Variants in MEGF9 observed in about 807,000 individuals in gnomAD.
MEGF9 encodes the protein multiple epidermal growth factor-like domains protein 9.
A neutral mutation model predicts 46.8 loss-of-function variants in MEGF9; 6 were observed. That is an observed-to-expected ratio of 0.13 (90% CI 0.07 to 0.25). The LOEUF is 0.25. Among genes scored for constraint, MEGF9 ranks in the 10% least tolerant of loss-of-function variants. The probability of loss-of-function intolerance (pLI) is 1.00; values close to 1 mark genes in which losing one functional copy is unlikely to be tolerated. For synonymous variants in MEGF9, 302 were observed against 330.7 expected (o/e 0.91, Z 0.94); for missense variants, 683 against 792.4 (o/e 0.86, Z 1.66).
intron 1 of MEGF9, among the ~76,000 whole-genome samples, chr9:120,686,434 T>G (rs1417526250): frequency 6.6e-6 from 1 of 152,232 alleles, no homozygotes; most frequent in East Asian, 1.9e-4. Flanking sequence ...GAAAAAGTTC[T>G]GGAAATCTGT....
chr9:120,616,072 A>C (rs1392645600), intron 3 of MEGF9, among the ~76,000 whole-genome samples: 1 of 152,136 alleles, frequency 6.6e-6, no homozygotes, highest in Non-Finnish European at 1.5e-5. Context: ...CGTGAGAGGC[A>C]ATAGCCCTTT....
At chr9:120,628,566 T>C (rs1330248677) in intron 2 of MEGF9, among the ~76,000 whole-genome samples, 1 of 135,142 alleles carries the variant, frequency 7.4e-6, no homozygotes, top group Non-Finnish European at 1.6e-5. Flanking sequence ...ATTTACACCA[T>C]GTCCCCAAAC....
chr9:120,657,117 C>T (rs2132321609), intron 2 of MEGF9, among the ~76,000 whole-genome samples: 1 of 152,330 alleles, frequency 6.6e-6, no homozygotes, highest in South Asian at 2.1e-4. Context: ...AATGCTGCCA[C>T]TATAGCACAA....
chr9:120,706,147 T>C (rs2043928092), intron 1 of MEGF9, among the ~76,000 whole-genome samples: 1 of 152,210 alleles, frequency 6.6e-6, no homozygotes, highest in Non-Finnish European at 1.5e-5. Context: ...GGTGCCAGAA[T>C]GTCTGGAAGT....
At chr9:120,708,319 G>A (rs2043937906) in intron 1 of MEGF9, among the ~76,000 whole-genome samples, 1 of 152,148 alleles carries the variant, frequency 6.6e-6, no homozygotes, top group South Asian at 2.1e-4. Flanking sequence ...GATCCGAGAT[G>A]GCACCACTGC....
At chr9:120,612,904 C>T (rs774264702) in intron 3 of MEGF9, among the ~76,000 whole-genome samples, 41 of 147,298 alleles carry the variant, frequency 2.8e-4, no homozygotes, top group Non-Finnish European at 5.0e-4. Flanking sequence ...ACTAATCATA[C>T]ATGCATGAAC....
In MEGF9 at chr9:120,714,467, C is replaced by T; in HGVS notation, c.-109G>A. 1 of 1,002,174 alleles carries T rather than the reference C, an allele frequency of 1.0e-6. No individual in the cohort carries two copies. Among genetic ancestry groups the T allele is most frequent in the Non-Finnish European group, 1.3e-6 (1 of 785,062 alleles). 62.1% of individuals were successfully genotyped at this position (1,002,174 alleles called of 1,614,324 possible). A position where few individuals can be genotyped will look rare whatever the true frequency, so the allele number is the denominator to read the frequency against. On this transcript the variant is annotated 5_prime_UTR_variant, in exon 1 of 6. Transcript: ENST00000373930. Reference sequence around the variant, plus strand: ...CACCGGGCGCACCATCGCCACCTCCCTCTGACAGGCGGCCGGCCCCGCGGG... The same window carrying T: ...CACCGGGCGCACCATCGCCACCTCCTTCTGACAGGCGGCCGGCCCCGCGGG...
At position 120,714,101 on chromosome 9, in the gene MEGF9, G is replaced by C; in HGVS notation, c.258C>G (p.Thr86=). The change falls in exon 1 of 6, where the codon ACC becomes ACG. Residue 86 remains threonine, a synonymous_variant. Transcript: ENST00000373930. Reference sequence around the variant, plus strand: ...AAGTCGCAGCCAGGGGTCGGTGGACGGTGGCGCGCGGGGGCCCGGTCCTCG... The same window carrying C: ...AAGTCGCAGCCAGGGGTCGGTGGACCGTGGCGCGCGGGGGCCCGGTCCTCG... ...QAPRTGPPRA[T]VHRPLAATSP... The C allele has an allele frequency of 8.0e-7, 1 of 1,248,782 alleles. No homozygotes were observed. Among genetic ancestry groups the C allele is most frequent in the Non-Finnish European group, 1.0e-6 (1 of 996,416 alleles). 77.4% of individuals were successfully genotyped at this position (1,248,782 alleles called of 1,614,324 possible).
At chr9:120,649,776 C>T (rs75977618) in intron 2 of MEGF9, among the ~76,000 whole-genome samples, 2,292 of 152,200 alleles carry the variant, frequency 0.015, 58 homozygotes, top group African/African-American at 0.052. Flanking sequence ...CATTAGCCTA[C>T]GGTAAAATTG....
At chr9:120,633,093 A>C (rs2043557671) in intron 2 of MEGF9, among the ~76,000 whole-genome samples, 1 of 152,166 alleles carries the variant, frequency 6.6e-6, no homozygotes, top group Admixed American at 6.5e-5. Flanking sequence ...TATCAGGGTG[A>C]TGCTAGCCTT....
chr9:120,651,891 T>C (rs977263434), intron 2 of MEGF9, among the ~76,000 whole-genome samples: 3 of 151,702 alleles, frequency 2.0e-5, no homozygotes, highest in African/African-American at 7.3e-5. Context: ...GACCTCATGA[T>C]CCACCCACCT....
rs538726136 is a variant in MEGF9, at chr9:120,678,245, C to T, written c.602-18670G>A. Among the ~76,000 whole-genome samples, 49 of 152,274 alleles carry T rather than the reference C, an allele frequency of 3.2e-4. No homozygotes were observed. The South Asian group carries it at 8.5e-3, about 27-fold the overall frequency. ...TCTTGGCTATTATGAACAGTTGCTG[C>T]AACAAACATGGGAATGCAAATATTC... On this transcript the variant is annotated intron_variant, in intron 1 of 5. Transcript: ENST00000373930.
At chr9:120,683,777 C>A (rs143775717) in intron 1 of MEGF9, among the ~76,000 whole-genome samples, 1 of 151,894 alleles carries the variant, frequency 6.6e-6, no homozygotes, top group African/African-American at 2.4e-5. Flanking sequence ...ACCTGCAGTC[C>A]CAGCTACTCA....
rs563560135 is a variant in MEGF9, at chr9:120,694,259, A to G, written c.601+19499T>C. Among the ~76,000 whole-genome samples the G allele has an allele frequency of 3.9e-5, 6 of 152,356 alleles. 1 individual carries two copies. In the East Asian group the frequency reaches 9.6e-4, roughly 24 times the overall value. ...ATCTGGGTTTGAATCCCAGCTAACTAGCACTTGGCTGTGACCTTTGGGCAA... is the reference window on the plus strand; with the variant it reads ...ATCTGGGTTTGAATCCCAGCTAACTGGCACTTGGCTGTGACCTTTGGGCAA... On this transcript the variant is annotated intron_variant, in intron 1 of 5. Coordinates refer to ENST00000373930, the MANE Select transcript of MEGF9 (RefSeq NM_001080497.3).
chr9:120,630,481 A>G (rs1227344706), intron 2 of MEGF9, among the ~76,000 whole-genome samples: 1 of 152,204 alleles, frequency 6.6e-6, no homozygotes, highest in South Asian at 2.1e-4. Context: ...GGGCATGCAA[A>G]TATCTCTTTG....
chr9:120,703,643 A>G (rs2043914931), intron 1 of MEGF9, among the ~76,000 whole-genome samples: 1 of 152,218 alleles, frequency 6.6e-6, no homozygotes, highest in Admixed American at 6.5e-5. Flanking sequence ...AATGATTTGA[A>G]GTAGTACAAC....
At chr9:120,659,681 T>A in intron 1 of MEGF9, 106 bp from the exon 2 acceptor site, 1 of 928,710 alleles carries the variant, frequency 1.1e-6, no homozygotes, top group Non-Finnish European at 1.6e-6. Flanking sequence ...GACAACTTTG[T>A]AAGGATAGAT....
chr9:120,704,514 T>C (rs2043919810), intron 1 of MEGF9, among the ~76,000 whole-genome samples: 1 of 152,142 alleles, frequency 6.6e-6, no homozygotes, highest in African/African-American at 2.4e-5. Context: ...CAAATACCAT[T>C]TATTCATCAT....
At chr9:120,612,677 A>T in intron 3 of MEGF9, 138 bp from the exon 4 acceptor site, 1 of 711,552 alleles carries the variant, frequency 1.4e-6, no homozygotes, top group East Asian at 2.8e-5. Flanking sequence ...TTTCTACCCC[A>T]CCTGATTTCT....
Sources: allele counts gnomAD v4.1 joint callset (sites outside exome capture counted in the v4.1 genomes callset), GRCh38; gene constraint gnomAD v4.1.1; transcripts MANE v1.5; gene names NCBI Gene and HGNC (gene_info 2026-07-23, HGNC 2026-07-21).